The following SEMA5A variants were observed in gnomAD, a reference collection of about 807,000 sequenced individuals.
SEMA5A encodes the protein semaphorin 5A, also known as semaphorin-5A.
A neutral mutation model predicts 135.5 loss-of-function variants in SEMA5A; 55 were observed. The observed-to-expected ratio is 0.41, with a 90% CI of 0.33 to 0.51. The LOEUF (loss-of-function observed/expected upper bound fraction) is 0.51, where lower values mean the gene tolerates loss of function less well. Ranked by LOEUF, SEMA5A falls within the 20% of genes least tolerant of loss-of-function variation. The pLI, the probability that SEMA5A is intolerant of heterozygous loss-of-function variation, is 0.37. For synonymous variants in SEMA5A, 580 were observed against 546.5 expected (o/e 1.06, Z -0.85); for missense variants, 1,290 against 1,419.9 (o/e 0.91, Z 1.47).
At chr5:9,056,923 A>G (rs972105620) in intron 18 of SEMA5A, among the ~76,000 whole-genome samples, 1 of 152,256 alleles carries the variant, frequency 6.6e-6, no homozygotes, top group East Asian at 1.9e-4. Flanking sequence ...GTAGGTACAT[A>G]CAATGAAATA....
At chr5:9,296,265 T>C (rs1190934826) in intron 5 of SEMA5A, among the ~76,000 whole-genome samples, 1 of 152,214 alleles carries the variant, frequency 6.6e-6, no homozygotes, top group East Asian at 1.9e-4. Context: ...TATATCCGTT[T>C]ACAGGCTTAT....
intron 9 of SEMA5A, among the ~76,000 whole-genome samples, chr5:9,201,183 A>G (rs1579599734): frequency 6.6e-6 from 1 of 152,290 alleles, no homozygotes; most frequent in African/African-American, 2.4e-5. Context: ...CAGAGTCTCA[A>G]TGTGAGCCTT....
intron 1 of SEMA5A, among the ~76,000 whole-genome samples, chr5:9,456,018 C>T (rs537279744): frequency 9.2e-5 from 14 of 152,182 alleles, no homozygotes; most frequent in Admixed American, 2.6e-4. Flanking sequence ...TCAGGACAAT[C>T]CAGAGGAGGT....
chr5:9,179,247 T>C (rs1317013864), intron 11 of SEMA5A, among the ~76,000 whole-genome samples: 1 of 152,190 alleles, frequency 6.6e-6, no homozygotes, highest in Non-Finnish European at 1.5e-5. Context: ...AGGATCTGTA[T>C]GAAAAAAGGT....
intron 16 of SEMA5A, among the ~76,000 whole-genome samples, chr5:9,083,125 C>A (rs1253012821): frequency 6.6e-6 from 1 of 152,126 alleles, no homozygotes; most frequent in Non-Finnish European, 1.5e-5. Context: ...TTGGAACATG[C>A]ACAGCTATGG....
In SEMA5A at chr5:9,122,763, G is replaced by A. The variant is rs141153482; in HGVS notation, c.1674C>T (p.Ser558=). The change falls in exon 14 of 23, where the codon AGC becomes AGT. Residue 558 remains serine, a synonymous_variant. Coordinates refer to ENST00000382496, the MANE Select transcript of SEMA5A (RefSeq NM_003966.3). ...PWTPCTHTDG[S]AVGSCLCRTR... ...TTCGACAGAGGCAGGATCCCACGGC[G>A]CTGCCATCTGTGTGCGTGCAAGGCG... 32 of 1,613,532 alleles carry A rather than the reference G, an allele frequency of 2.0e-5. No individual in the cohort carries two copies. The highest frequency in any genetic ancestry group is 6.6e-5 in the South Asian group (6 of 91,024).
chr5:9,529,069 T>C (rs969257665), intron 1 of SEMA5A, among the ~76,000 whole-genome samples: 1 of 152,224 alleles, frequency 6.6e-6, no homozygotes, highest in South Asian at 2.1e-4. Flanking sequence ...TCTGAACCCA[T>C]GGTAGCACTG....
At chr5:9,083,805 G>C (rs1313325852) in intron 16 of SEMA5A, among the ~76,000 whole-genome samples, 1 of 152,164 alleles carries the variant, frequency 6.6e-6, no homozygotes, top group Non-Finnish European at 1.5e-5. Flanking sequence ...ATGCAAGAGG[G>C]ACTTAGTGTT....
At chr5:9,335,537 T>C (rs1352657782) in intron 4 of SEMA5A, among the ~76,000 whole-genome samples, 1 of 152,176 alleles carries the variant, frequency 6.6e-6, no homozygotes, top group African/African-American at 2.4e-5. Context: ...GTCAAAGTCA[T>C]AGAAAAGCCT....
chr5:9,438,092 T>C (rs3798010), intron 1 of SEMA5A, among the ~76,000 whole-genome samples: 53,685 of 152,138 alleles, frequency 0.35, 11,612 homozygotes, highest in Middle Eastern at 0.56. Flanking sequence ...AACATTTAAA[T>C]GCTGTTAACA....
At chr5:9,216,994 T>A (rs533284177) in intron 8 of SEMA5A, among the ~76,000 whole-genome samples, 33 of 152,308 alleles carry the variant, frequency 2.2e-4, no homozygotes, top group Middle Eastern at 3.4e-3. Context: ...AGATTAGTAT[T>A]GATATGCATG....
chr5:9,346,908 GTGTGTGTA>G (rs1753898389), intron 3 of SEMA5A, among the ~76,000 whole-genome samples: 1 of 136,974 alleles, frequency 7.3e-6, no homozygotes, highest in Admixed American at 7.6e-5. Context: ...GTGTGTGTGT[GTGTGTGTA>G]TATATATATA....
intron 16 of SEMA5A, among the ~76,000 whole-genome samples, chr5:9,075,556 C>CAAA (rs11377429): frequency 2.7e-5 from 4 of 146,214 alleles, no homozygotes; most frequent in Middle Eastern, 3.5e-3. Flanking sequence ...AAAAAGCCAG[C>CAAA]AAAAAAAAAA....
At chr5:9,237,080 T>G (rs763523363) in intron 6 of SEMA5A, among the ~76,000 whole-genome samples, 25 of 152,176 alleles carry the variant, frequency 1.6e-4, no homozygotes, top group Non-Finnish European at 2.1e-4. Flanking sequence ...CTGTCTTCTG[T>G]AACCCAAAGC....
Position 9,226,917 on chromosome 5 carries a change from T to C in SEMA5A, c.384A>G (p.Leu128=). 1 of 1,585,402 alleles carries C rather than the reference T, an allele frequency of 6.3e-7. No individual in the cohort carries two copies. Among genetic ancestry groups the C allele is most frequent in the Non-Finnish European group, 8.6e-7 (1 of 1,163,802 alleles). The part of the protein sequence containing the change: ...IRVLLVGGDR[L]FTCGTNAFTP... ...TGAATGCATTGGTCCCACAGGTGAATAACCGGTCGCCACCCACCAGAAGCA... is the reference window on the plus strand; with the variant it reads ...TGAATGCATTGGTCCCACAGGTGAACAACCGGTCGCCACCCACCAGAAGCA... Residue 128 remains leucine (L), a synonymous_variant, in exon 7 of 23, where the codon TTA becomes TTG. Coordinates refer to ENST00000382496, the MANE Select transcript of SEMA5A (RefSeq NM_003966.3).
At chr5:9,236,669 T>C (rs1747929596) in intron 6 of SEMA5A, among the ~76,000 whole-genome samples, 1 of 152,382 alleles carries the variant, frequency 6.6e-6, no homozygotes, top group Admixed American at 6.5e-5. Context: ...ATATCTCTGA[T>C]GATTTAACTC....
At chr5:9,107,767 G>T (rs1219815980) in intron 16 of SEMA5A, among the ~76,000 whole-genome samples, 1 of 152,094 alleles carries the variant, frequency 6.6e-6, no homozygotes, top group African/African-American at 2.4e-5. Context: ...TGTTTACAGA[G>T]CACTCAGTGG....
chr5:9,218,048 G>A lies in SEMA5A; in HGVS notation c.646+6626C>T, dbSNP rs138143666. On this transcript the variant is annotated intron_variant, in intron 8 of 22. Coordinates refer to ENST00000382496, the MANE Select transcript of SEMA5A (RefSeq NM_003966.3). ...ACAAAGAACACTGGGGTCTACTTGA[G>A]GGTAGAGGCGGGGAGGAGGGAGAAG... Among the ~76,000 whole-genome samples the A allele has an allele frequency of 7.5e-3, 1,139 of 152,242 alleles. 15 individuals are homozygous for A. The highest frequency in any genetic ancestry group is 0.026 in the African/African-American group (1,086 of 41,532).
At chr5:9,343,731 C>T (rs1015487116) in intron 3 of SEMA5A, among the ~76,000 whole-genome samples, 17 of 152,190 alleles carry the variant, frequency 1.1e-4, no homozygotes, top group Admixed American at 2.0e-4. Context: ...AAGAAGAGCA[C>T]GGCAGGTCTG....
Sources: allele counts gnomAD v4.1 joint callset (sites outside exome capture counted in the v4.1 genomes callset), GRCh38; gene constraint gnomAD v4.1.1; transcripts MANE v1.5; gene names NCBI Gene and HGNC (gene_info 2026-07-23, HGNC 2026-07-21).